Variants in ZNF697 observed in about 807,000 individuals in gnomAD.
ZNF697 encodes zinc finger protein 697.
In ZNF697, 23 loss-of-function variants were observed where a neutral mutation model predicts 32.4. The ratio of observed to expected loss-of-function variants is 0.71; its 90% CI spans 0.51 to 1.01. The LOEUF (loss-of-function observed/expected upper bound fraction) is 1.01. Among genes scored for constraint, ZNF697 ranks in the 50% least tolerant of loss-of-function variants. The pLI is 0.00. For synonymous variants in ZNF697, 418 were observed against 337.2 expected (o/e 1.24, Z -2.62); for missense variants, 930 against 794.0 (o/e 1.17, Z -2.06).
Position 119,623,714 on chromosome 1 carries a change from A to G in ZNF697, c.629T>C (p.Ile210Thr), listed in dbSNP as rs1033520219. ...PGAAFLQHQR[I>T]HRLAEAAAAA... is the part of the protein sequence containing the mutation. ...GGCAGCGGCCTCAGCCAGGCGGTGA[A>G]TGCGCTGGTGCTGCAGGAAGGCGGC... The change falls in exon 3 of 3, where the codon ATT becomes ACT. Residue 210 changes from isoleucine to threonine, a missense_variant. Transcript: ENST00000421812. 19 of 1,523,820 alleles carry G rather than the reference A, an allele frequency of 1.2e-5. No individual in the cohort carries two copies. The highest frequency in any genetic ancestry group is 1.5e-5 in the Non-Finnish European group (17 of 1,135,836). 94.4% of individuals were successfully genotyped at this position (1,523,820 alleles called of 1,614,324 possible). A position where few individuals can be genotyped will look rare whatever the true frequency, so the allele number is the denominator to read the frequency against.
At position 119,621,194 on chromosome 1, in the gene ZNF697, G is replaced by A. The variant is rs1648299028; in HGVS notation, c.*1511C>T. 6.6e-6 allele frequency: 1 copy of A among 152,150 alleles called. No homozygotes were observed. The highest frequency in any genetic ancestry group is 1.5e-5 in the Non-Finnish European group (1 of 68,008). 9.4% of individuals were successfully genotyped at this position (152,150 alleles called of 1,614,324 possible). ...TTTTCATCAAGCATAAGAATTTTCA[G>A]TGTCCTTAATTTTATTATATAAATC... is the stretch of plus-strand genomic sequence containing the variant. On this transcript the variant is annotated 3_prime_UTR_variant, in exon 3 of 3. Coordinates refer to ENST00000421812, the MANE Select transcript of ZNF697 (RefSeq NM_001080470.2).
Position 119,636,059 on chromosome 1 carries a change from A to C in ZNF697, c.-37-9922T>G, listed in dbSNP as rs587670877. Among the ~76,000 whole-genome samples, 13 of 152,328 alleles carry C rather than the reference A, an allele frequency of 8.5e-5. No individual in the cohort carries two copies. The East Asian group carries it at 1.4e-3, about 16-fold the overall frequency. ...AAGTGATGCATCTATCTCAAGAAGG[A>C]GGCTTGCGTGTCTGGGACTCATTCA... On this transcript the variant is annotated intron_variant, in intron 1 of 2. Transcript: ENST00000421812.
intron 2 of ZNF697, 83 bp from the exon 3 acceptor site, chr1:119,624,199 CTG>C (rs763031156): frequency 1.1e-4 from 158 of 1,439,896 alleles, no homozygotes; most frequent in Admixed American, 2.4e-4. Context: ...AGTAATAAAA[CTG>C]TGATCCCCTC....
chr1:119,625,502 A>G (rs1648552088), intron 2 of ZNF697, among the ~76,000 whole-genome samples: 1 of 152,224 alleles, frequency 6.6e-6, no homozygotes, highest in African/African-American at 2.4e-5. Flanking sequence ...CTATTTGCAC[A>G]GTACTGTGCT....
chr1:119,623,353 C>A lies in ZNF697; in HGVS notation c.990G>T (p.Ser330=). ...GCGCGCGCCGGTGGCTCAACAGATG[C>A]GAGCTGAGGCTGAAGGCCTCGCCGC... ...PECGEAFSLS[S]HLLSHRRAHA... The change falls in exon 3 of 3, where the codon TCG becomes TCT. Residue 330 remains serine (S), a synonymous_variant. Coordinates refer to ENST00000421812, the MANE Select transcript of ZNF697 (RefSeq NM_001080470.2). 2 of 1,425,640 alleles carry A rather than the reference C, an allele frequency of 1.4e-6. No homozygotes were observed. The highest frequency in any genetic ancestry group is 1.8e-6 in the Non-Finnish European group (2 of 1,092,954). 88.3% of individuals were successfully genotyped at this position (1,425,640 alleles called of 1,614,324 possible).
chr1:119,626,693 A>ACATCTT (rs1648599949), intron 1 of ZNF697, among the ~76,000 whole-genome samples: 1 of 152,236 alleles, frequency 6.6e-6, no homozygotes, highest in South Asian at 2.1e-4. Context: ...CAAGAATAAT[A>ACATCTT]GAAGCATCAA....
At chr1:119,641,128 A>G (rs1021142989) in intron 1 of ZNF697, among the ~76,000 whole-genome samples, 8 of 152,238 alleles carry the variant, frequency 5.3e-5, no homozygotes, top group Non-Finnish European at 2.9e-5. Flanking sequence ...AATAAACACA[A>G]GCACATATTA....
chr1:119,639,835 G>A (rs955768577), intron 1 of ZNF697, among the ~76,000 whole-genome samples: 3 of 151,946 alleles, frequency 2.0e-5, no homozygotes, highest in Non-Finnish European at 2.9e-5. Flanking sequence ...CTTCAGCCTG[G>A]GTGACAGAGC....
intron 1 of ZNF697, among the ~76,000 whole-genome samples, chr1:119,635,515 A>G (rs1227025295): frequency 6.6e-6 from 1 of 152,190 alleles, no homozygotes; most frequent in East Asian, 1.9e-4. Flanking sequence ...TCCACCATTA[A>G]TGCAGCAACT....
At chr1:119,632,317 C>T (rs1212444047) in intron 1 of ZNF697, among the ~76,000 whole-genome samples, 1 of 152,184 alleles carries the variant, frequency 6.6e-6, no homozygotes, top group Non-Finnish European at 1.5e-5. Flanking sequence ...ACCCAAAATG[C>T]CAGCCACCCA....
In ZNF697 at chr1:119,623,284, G is replaced by A; in HGVS notation, c.1059C>T (p.Phe353=). Residue 353 remains phenylalanine, a synonymous_variant, in exon 3 of 3, where the codon TTC becomes TTT. Transcript: ENST00000421812. ...AGCCCTTGCCGCACTCCCCGCAGGC[G>A]AAGGGCCGCAGCGCCGCCGCCCCCG... ...SGAGAAALRP[F]ACGECGKGFV... 2.7e-6 allele frequency: 4 copies of A among 1,471,492 alleles called. No individual in the cohort carries two copies. The highest frequency in any genetic ancestry group is 3.6e-6 in the Non-Finnish European group (4 of 1,113,946). 91.2% of individuals were successfully genotyped at this position (1,471,492 alleles called of 1,614,324 possible).
At chr1:119,633,523 T>G (rs1021787583) in intron 1 of ZNF697, among the ~76,000 whole-genome samples, 20 of 152,260 alleles carry the variant, frequency 1.3e-4, no homozygotes, top group Admixed American at 3.3e-4. Flanking sequence ...ATGCAGAAGA[T>G]TCCTCTGAAG....
intron 1 of ZNF697, among the ~76,000 whole-genome samples, chr1:119,630,587 G>C (rs1648732707): frequency 6.6e-6 from 1 of 152,324 alleles, no homozygotes; most frequent in African/African-American, 2.4e-5. Context: ...CCACTTGAAA[G>C]AAAGATCACT....
rs1648328370 is a variant in ZNF697, at chr1:119,621,874, CCA to C, written c.*829_*830del. The C allele has an allele frequency of 1.3e-5, 2 of 152,068 alleles. No individual in the cohort carries two copies. Among genetic ancestry groups the C allele is most frequent in the Admixed American group, 6.5e-5 (1 of 15,268 alleles). 9.4% of individuals were successfully genotyped at this position (152,068 alleles called of 1,614,324 possible). ...GTTCCTTTTCCCTGCACTTAAAACA[CCA>C]CAGTTGAGACCTGAAAGAAATACTG... On this transcript the variant is annotated 3_prime_UTR_variant, in exon 3 of 3. Transcript: ENST00000421812.
chr1:119,634,051 T>C (rs752861182), intron 1 of ZNF697, among the ~76,000 whole-genome samples: 9 of 152,102 alleles, frequency 5.9e-5, no homozygotes, highest in Non-Finnish European at 1.3e-4. Flanking sequence ...GCTATGTGAG[T>C]TGTTAACAGA....
At position 119,621,754 on chromosome 1, in the gene ZNF697, T is replaced by G. The variant is rs747593826; in HGVS notation, c.*951A>C. 6.6e-6 allele frequency: 1 copy of G among 152,242 alleles called. No homozygotes were observed. The highest frequency in any genetic ancestry group is 2.4e-5 in the African/African-American group (1 of 41,456). The allele number at this position is 152,242 out of a possible 1,614,324, so 9.4% of individuals were successfully genotyped here. ...GCAAAACTCTGAGCTAGTTGACTTT[T>G]TAGCAGGTCACTGGGCAACTGTTGG... On this transcript the variant is annotated 3_prime_UTR_variant, in exon 3 of 3. Coordinates refer to ENST00000421812, the MANE Select transcript of ZNF697 (RefSeq NM_001080470.2).
chr1:119,636,536 G>C (rs1234588203), intron 1 of ZNF697, among the ~76,000 whole-genome samples: 1 of 152,134 alleles, frequency 6.6e-6, no homozygotes, highest in Non-Finnish European at 1.5e-5. Context: ...AAGTCCAAAA[G>C]CAGGGAGTAG....
intron 2 of ZNF697, among the ~76,000 whole-genome samples, chr1:119,625,213 G>A (rs1317864416): frequency 6.6e-6 from 1 of 152,106 alleles, no homozygotes; most frequent in Admixed American, 6.5e-5. Context: ...CACAGGGGAA[G>A]GAATGTAACC....
At chr1:119,625,850 A>G (rs1432554088) in intron 2 of ZNF697, 25 bp downstream of exon 2, 4 of 1,611,398 alleles carry the variant, frequency 2.5e-6, no homozygotes, top group East Asian at 2.2e-5. Context: ...GGCAACTTGC[A>G]TAGAAATCCC....
Sources: gnomAD v4.1 joint callset for allele counts (sites outside exome capture counted in the v4.1 genomes callset) on GRCh38, gnomAD v4.1.1 for gene constraint, MANE v1.5 for transcripts, NCBI Gene and HGNC (gene_info 2026-07-23, HGNC 2026-07-21) for gene names.